NKTR: variants seen among roughly 807,000 people sequenced by gnomAD.
NKTR encodes the protein NK-tumor recognition protein.
NKTR carries 67 observed loss-of-function variants against 156.3 expected under a neutral mutation model. The ratio of observed to expected loss-of-function variants is 0.43; its 90% confidence interval spans 0.35 to 0.53. The LOEUF (loss-of-function observed/expected upper bound fraction) is 0.53. NKTR is among the 20% of genes least tolerant of loss of function. The probability of loss-of-function intolerance (pLI) is 0.01; values close to 1 mark genes in which losing one functional copy is unlikely to be tolerated. For missense variants in NKTR, 1,604 were observed against 1,730.9 expected (o/e 0.93, Z 1.30); for synonymous variants, 640 against 596.6 (o/e 1.07, Z -1.06).
In NKTR at chr3:42,630,170, C is replaced by T. The variant is rs147816760; in HGVS notation, c.375-376C>T. The stretch of plus-strand genomic sequence containing the variant: ...AGGAGGTGCTTTTCTTATTTAATTA[C>T]GCTGATAAATTTTGAGGGTTTTTTT... On this transcript the variant is annotated intron_variant, in intron 6 of 16. Coordinates refer to ENST00000232978, the MANE Select transcript of NKTR (RefSeq NM_005385.4). The T allele has an allele frequency of 1.9e-4, 194 of 1,022,164 alleles. No homozygotes were observed. The East Asian group carries it at 0.013, about 67-fold the overall frequency. The allele number at this position is 1,022,164 out of a possible 1,614,324, so 63.3% of individuals were successfully genotyped here.
At chr3:42,615,468 A>G (rs1226604136) in intron 2 of NKTR, among the ~76,000 whole-genome samples, 2 of 151,736 alleles carry the variant, frequency 1.3e-5, no homozygotes, top group Non-Finnish European at 2.9e-5. Context: ...AACTGTTTTC[A>G]AGTGTGTGTT....
chr3:42,624,034 A>G (rs564490928), intron 6 of NKTR, among the ~76,000 whole-genome samples: 13 of 152,106 alleles, frequency 8.5e-5, no homozygotes, highest in Non-Finnish European at 1.6e-4. Flanking sequence ...TGTTTTGTGC[A>G]TTAACTACTG....
rs753081978 is a variant in NKTR at position 42,639,567 on chromosome 3, AC to A, written c.3865del (p.Arg1289ValfsTer186). The A allele has an allele frequency of 1.2e-6, 2 of 1,614,202 alleles. No individual in the cohort carries two copies. The highest frequency in any genetic ancestry group is 8.5e-7 in the Non-Finnish European group (1 of 1,180,036). ...GAAGTAAGAAAGACAGCACGCTTAA[AC>A]CGTAGACCAAGAAATCAGGAGAGTT... ...FDEVRKTARL[N>X]RRPRNQESSS... On this transcript the variant is annotated frameshift_variant, in exon 13 of 17. Transcript: ENST00000232978. LOFTEE classifies it high-confidence loss of function.
intron 2 of NKTR, among the ~76,000 whole-genome samples, chr3:42,609,471 G>C (rs377542015): frequency 1.3e-5 from 2 of 152,170 alleles, no homozygotes; most frequent in East Asian, 1.9e-4. Context: ...TGTTTAGAGA[G>C]GGATAAATAT....
At chr3:42,643,251 T>C in intron 14 of NKTR, 88 bp from the exon 15 acceptor site, 1 of 1,038,806 alleles carries the variant, frequency 9.6e-7, no homozygotes, top group Non-Finnish European at 1.5e-6. Context: ...TATTTTCACC[T>C]TGATGGGCAA....
At position 42,633,509 on chromosome 3, in the gene NKTR, CTAATT is replaced by C. The variant is rs1268240886; in HGVS notation, c.774-69_774-65del. ...GTTAATTATGCTGTTGTTTTAGTAACTAATTTTATGTGCTTTTATTATGAAATGCA... is the reference window on the plus strand; with the variant it reads ...GTTAATTATGCTGTTGTTTTAGTAACTTATGTGCTTTTATTATGAAATGCA... On this transcript the variant is annotated intron_variant, in intron 9 of 16. Transcript: ENST00000232978. 5 of 1,546,062 alleles carry C rather than the reference CTAATT, an allele frequency of 3.2e-6. No individual in the cohort carries two copies. In the African/African-American group the frequency reaches 4.1e-5, roughly 13 times the overall value.
In NKTR at chr3:42,601,019, G is replaced by T. The variant is rs1423270096; in HGVS notation, c.13G>T (p.Asp5Tyr). Residue 5 changes from aspartate (D) to tyrosine (Y), a missense_variant, in exon 2 of 17, where the codon GAC (aspartate) becomes TAC (tyrosine). Coordinates refer to ENST00000232978, the MANE Select transcript of NKTR (RefSeq NM_005385.4). MGAQ[D>Y]RPQCHFDIEI... is the part of the protein sequence containing the mutation. ...CACCTCGGTCGCGATGGGGGCGCAG[G>T]ACCGGCCGCAGTGCCACTTCGACAT... is the stretch of plus-strand genomic sequence containing the variant. The T allele has an allele frequency of 4.4e-6, 7 of 1,579,296 alleles. No individual in the cohort carries two copies. The highest frequency in any genetic ancestry group is 6.0e-6 in the Non-Finnish European group (7 of 1,165,690).
At chr3:42,644,842 G>C (rs1237747515) in intron 16 of NKTR, among the ~76,000 whole-genome samples, 1 of 152,082 alleles carries the variant, frequency 6.6e-6, no homozygotes. Flanking sequence ...CCTAATCCTA[G>C]GATACAGTCC....
chr3:42,604,695 T>A (rs1559547802), intron 2 of NKTR, among the ~76,000 whole-genome samples: 1 of 101,318 alleles, frequency 9.9e-6, no homozygotes, highest in South Asian at 3.9e-4. Context: ...TTTTTTTTTT[T>A]TTTGAGACTG....
intron 2 of NKTR, among the ~76,000 whole-genome samples, chr3:42,615,708 T>A (rs181356365): frequency 4.6e-5 from 7 of 152,222 alleles, no homozygotes; most frequent in Admixed American, 4.6e-4. Context: ...TGCAAAGATC[T>A]AAGTCTGTTC....
At chr3:42,635,451 T>A in intron 12 of NKTR, 85 bp downstream of exon 12, 1 of 1,074,478 alleles carries the variant, frequency 9.3e-7, no homozygotes, top group Non-Finnish European at 1.3e-6. Context: ...GACTTTTCAT[T>A]AAAGATTCAG....
chr3:42,601,815 A>G (rs894789830), intron 2 of NKTR: 3 of 152,192 alleles, frequency 2.0e-5, no homozygotes, highest in Non-Finnish European at 2.9e-5. Context: ...TCTTTGTGCA[A>G]CATCTTGTTC....
chr3:42,633,811 CAT>C lies in NKTR; in HGVS notation c.929+77_929+78del, dbSNP rs1467919915. ...CCGTCAGCTCATTGCATTCCACACT[CAT>C]GTATGGAACATGATCCATGTTTGAA... On this transcript the variant is annotated intron_variant, in intron 10 of 16. Transcript: ENST00000232978. 3.9e-5 allele frequency: 57 copies of C among 1,468,206 alleles called. No homozygotes were observed. The East Asian group carries it at 1.2e-3, about 32-fold the overall frequency. The allele number at this position is 1,468,206 out of a possible 1,614,324, so 90.9% of individuals were successfully genotyped here.
At position 42,632,657 on chromosome 3, in the gene NKTR, A is replaced by T. The variant is rs955103385; in HGVS notation, c.607A>T (p.Asn203Tyr). Residue 203 changes from asparagine (N) to tyrosine (Y), a missense_variant, in exon 9 of 17, where the codon AAT becomes TAT. Physicochemically the swap from Asn to Tyr is moderately radical, Grantham distance 143. Around this residue, in one of 6 missense-constraint regions of NKTR, gnomAD observed 1,255 missense variants for 1,243.7 expected, o/e 1.01. Transcript: ENST00000232978. The part of the protein sequence containing the change: ...THSEGSDSSS[N>Y]SSSSSESSSE... The stretch of plus-strand genomic sequence containing the variant: ...TTCAGAAGGCTCGGATTCCTCTTCC[A>T]ATTCCTCCTCTTCTTCAGAATCATC... 1 of 1,614,052 alleles carries T rather than the reference A, an allele frequency of 6.2e-7. No individual in the cohort carries two copies. The highest frequency in any genetic ancestry group is 1.1e-5 in the South Asian group (1 of 91,028).
intron 2 of NKTR, among the ~76,000 whole-genome samples, chr3:42,616,348 C>T (rs552330299): frequency 7.9e-5 from 12 of 152,186 alleles, no homozygotes; most frequent in South Asian, 4.1e-4. Context: ...TTTATTGATA[C>T]GCTTTCAACA....
rs1434589147 is a variant in NKTR at position 42,638,824 on chromosome 3, A to G, written c.3120A>G (p.Lys1040=). ...IDDKQVTQES[K]EKKVSENNET... The stretch of plus-strand genomic sequence containing the variant: ...ACAAGCAAGTTACTCAGGAATCAAA[A>G]GAGAAAAAAGTTTCTGAAAACAATG... The change falls in exon 13 of 17, where the codon AAA becomes AAG. Residue 1040 remains lysine, a synonymous_variant. Coordinates refer to ENST00000232978, the MANE Select transcript of NKTR (RefSeq NM_005385.4). The G allele has an allele frequency of 1.2e-6, 2 of 1,602,910 alleles. No homozygotes were observed. The highest frequency in any genetic ancestry group is 2.3e-5 in the South Asian group (2 of 88,288).
At position 42,636,977 on chromosome 3, in the gene NKTR, G is replaced by A; in HGVS notation, c.1273G>A (p.Gly425Ser). 6.2e-7 allele frequency: 1 copy of A among 1,612,716 alleles called. No individual in the cohort carries two copies. Among genetic ancestry groups the A allele is most frequent in the Non-Finnish European group, 8.5e-7 (1 of 1,179,754 alleles). Reference protein sequence around the residue: ...YSDLSTARHSGHHKKRRKEKK... With the variant: ...YSDLSTARHSSHHKKRRKEKK... ...AGACCTTAGTACAGCAAGACACTCTGGCCACCATAAAAAACGCAGAAAAGA... is the reference window on the plus strand; with the variant it reads ...AGACCTTAGTACAGCAAGACACTCTAGCCACCATAAAAAACGCAGAAAAGA... Residue 425 changes from glycine (G) to serine (S), a missense_variant, in exon 13 of 17, where the codon GGC becomes AGC. Transcript: ENST00000232978.
chr3:42,621,189 G>T, intron 5 of NKTR: 1 of 1,115,894 alleles, frequency 9.0e-7, no homozygotes, highest in Non-Finnish European at 1.1e-6. Flanking sequence ...ACTGTTCTAA[G>T]GCTGTTTGTG....
intron 16 of NKTR, among the ~76,000 whole-genome samples, chr3:42,645,552 C>G (rs1010984073): frequency 6.6e-6 from 1 of 151,974 alleles, no homozygotes; most frequent in East Asian, 1.9e-4. Context: ...GGCGTGGTGG[C>G]GGGCACCTGT....
Sources: allele counts gnomAD v4.1 joint callset (sites outside exome capture counted in the v4.1 genomes callset), GRCh38; gene constraint gnomAD v4.1.1; regional missense constraint gnomAD v4.1.1; transcripts MANE v1.5; gene names NCBI Gene and HGNC (gene_info 2026-07-23, HGNC 2026-07-21).